AJAP1: variants seen among roughly 807,000 people sequenced by gnomAD.
The protein encoded by AJAP1 is adherens junctions associated protein 1, also known as adherens junction-associated protein 1.
AJAP1 carries 5 observed loss-of-function variants against 35.0 expected under a neutral mutation model. The ratio of observed to expected loss-of-function variants is 0.14; its 90% CI spans 0.07 to 0.30. The LOEUF (loss-of-function observed/expected upper bound fraction) is 0.30, where lower values mean the gene tolerates loss of function less well. Ranked by LOEUF, AJAP1 falls within the 10% of genes least tolerant of loss-of-function variation. The probability of loss-of-function intolerance (pLI) is 1.00; values close to 1 mark genes in which losing one functional copy is unlikely to be tolerated. For missense variants in AJAP1, 586 were observed against 571.0 expected (o/e 1.03, Z -0.27); for synonymous variants, 284 against 249.3 (o/e 1.14, Z -1.31).
intron 2 of AJAP1, among the ~76,000 whole-genome samples, chr1:4,745,322 T>G (rs1641164137): frequency 6.6e-6 from 1 of 151,350 alleles, no homozygotes; most frequent in Non-Finnish European, 1.5e-5. Flanking sequence ...GTGCACTGGG[T>G]TCCATCCTCA....
At chr1:4,766,825 CA>C (rs1641695860) in intron 2 of AJAP1, among the ~76,000 whole-genome samples, 1 of 152,050 alleles carries the variant, frequency 6.6e-6, no homozygotes, top group Non-Finnish European at 1.5e-5. Flanking sequence ...GCTTGCTGAC[CA>C]GGGAAAGTCA....
chr1:4,722,627 TC>T (rs1640548542), intron 2 of AJAP1, among the ~76,000 whole-genome samples: 1 of 152,166 alleles, frequency 6.6e-6, no homozygotes, highest in African/African-American at 2.4e-5. Context: ...AGGGCTGTGG[TC>T]CCTCCGGAGG....
At chr1:4,778,388 G>A (rs1383750448) in intron 5 of AJAP1, among the ~76,000 whole-genome samples, 2 of 152,170 alleles carry the variant, frequency 1.3e-5, no homozygotes, top group African/African-American at 4.8e-5. Context: ...TGCTAAGTGT[G>A]GCGCAGAAAA....
intron 1 of AJAP1, among the ~76,000 whole-genome samples, chr1:4,676,067 G>A (rs575261264): frequency 6.6e-6 from 1 of 152,156 alleles, no homozygotes; most frequent in South Asian, 2.1e-4. Context: ...CTTGCTACTC[G>A]TTTTGTGCAT....
intron 1 of AJAP1, among the ~76,000 whole-genome samples, chr1:4,706,149 G>C (rs866637011): frequency 1.3e-5 from 2 of 152,202 alleles, no homozygotes; most frequent in African/African-American, 4.8e-5. Flanking sequence ...CCTCGGGGAA[G>C]GGAGGTCCAC....
At chr1:4,722,289 C>T (rs1272638653) in intron 2 of AJAP1, among the ~76,000 whole-genome samples, 5 of 152,210 alleles carry the variant, frequency 3.3e-5, no homozygotes, top group Non-Finnish European at 5.9e-5. Flanking sequence ...AGCACCGAGC[C>T]GCGGGGCAGG....
chr1:4,674,963 A>G (rs1479061341), intron 1 of AJAP1, among the ~76,000 whole-genome samples: 2 of 152,206 alleles, frequency 1.3e-5, no homozygotes, highest in Non-Finnish European at 2.9e-5. Flanking sequence ...GCCATGGAGG[A>G]GTCGTCTCAG....
At chr1:4,658,451 T>C (rs1187814568) in intron 1 of AJAP1, among the ~76,000 whole-genome samples, 1 of 152,240 alleles carries the variant, frequency 6.6e-6, no homozygotes, top group African/African-American at 2.4e-5. Context: ...GCAGCCCAGC[T>C]TTAGCGGATG....
At chr1:4,717,554 T>C (rs1640422081) in intron 2 of AJAP1, among the ~76,000 whole-genome samples, 2 of 152,208 alleles carry the variant, frequency 1.3e-5, no homozygotes, top group East Asian at 1.9e-4. Context: ...AATTTTTACA[T>C]TGGAATTCAC....
At chr1:4,728,542 C>T (rs1172724562) in intron 2 of AJAP1, among the ~76,000 whole-genome samples, 4 of 152,326 alleles carry the variant, frequency 2.6e-5, no homozygotes, top group African/African-American at 9.6e-5. Context: ...CCATCACAGC[C>T]TGCTCTTGCT....
intron 1 of AJAP1, among the ~76,000 whole-genome samples, chr1:4,687,981 C>T (rs1639644993): frequency 6.6e-6 from 1 of 152,218 alleles, no homozygotes; most frequent in African/African-American, 2.4e-5. Flanking sequence ...TGGTGAAGAG[C>T]AGGGCCCACA....
chr1:4,770,006 C>T, intron 3 of AJAP1, 66 bp downstream of exon 3: 5 of 1,359,536 alleles, frequency 3.7e-6, no homozygotes, highest in Non-Finnish European at 5.2e-6. Context: ...GTGGTGAATA[C>T]AGAAAGGCCC....
rs1640028229 is a variant in AJAP1, at chr1:4,703,215, G to A, written c.30-8685G>A. On this transcript the variant is annotated intron_variant, in intron 1 of 5. Coordinates refer to ENST00000378191, the MANE Select transcript of AJAP1 (RefSeq NM_018836.4). ...GGGAATGCCGCGAAAGTGATTCACG[G>A]CTTAATGTGTTTTCATTAGAGAAAT... Among the ~76,000 whole-genome samples the A allele has an allele frequency of 2.6e-5, 4 of 152,174 alleles. No individual in the cohort carries two copies. The South Asian group carries it at 8.3e-4, about 32-fold the overall frequency.
chr1:4,702,692 T>C (rs915034155), intron 1 of AJAP1, among the ~76,000 whole-genome samples: 3 of 152,048 alleles, frequency 2.0e-5, no homozygotes, highest in African/African-American at 7.2e-5. Context: ...TGGCCCTTGG[T>C]GTGCTGGGGC....
intron 2 of AJAP1, among the ~76,000 whole-genome samples, chr1:4,721,511 C>T (rs115300842): frequency 6.6e-6 from 1 of 152,222 alleles, no homozygotes; most frequent in Admixed American, 6.5e-5. Context: ...ATTTCAGAGA[C>T]ACACCCTGTG....
chr1:4,657,838 C>A (rs1396143987), intron 1 of AJAP1, among the ~76,000 whole-genome samples: 1 of 151,838 alleles, frequency 6.6e-6, no homozygotes, highest in South Asian at 2.1e-4. Flanking sequence ...CTTTTCCCCC[C>A]AAGAGGGAGA....
chr1:4,680,833 T>C (rs1298755887), intron 1 of AJAP1, among the ~76,000 whole-genome samples: 1 of 152,204 alleles, frequency 6.6e-6, no homozygotes, highest in African/African-American at 2.4e-5. Flanking sequence ...CCAAACATCT[T>C]TCTAGTGGTG....
rs910338434 is a variant in AJAP1 at position 4,782,908 on chromosome 1, G to A, written c.*423G>A. The A allele has an allele frequency of 3.0e-5, 12 of 398,388 alleles. No homozygotes were observed. The Admixed American group carries it at 4.0e-4, about 13-fold the overall frequency. 24.7% of individuals were successfully genotyped at this position (398,388 alleles called of 1,614,324 possible). A position where few individuals can be genotyped will look rare whatever the true frequency, so the allele number is the denominator to read the frequency against. ...ACCATTATGTGCCATGTACTGACCC[G>A]AAAGGCTCGGCCGCAGAGCCGGGGC... On this transcript the variant is annotated 3_prime_UTR_variant, in exon 6 of 6. Transcript: ENST00000378191. This position sits in a 1 kb window ranked among gnomAD's most constrained non-coding sequence, Gnocchi z 5.3.
At chr1:4,690,236 A>G (rs1276441272) in intron 1 of AJAP1, among the ~76,000 whole-genome samples, 1 of 152,162 alleles carries the variant, frequency 6.6e-6, no homozygotes, top group Non-Finnish European at 1.5e-5. Flanking sequence ...CTCTGAAGTC[A>G]GTCCGCTCCT....
Sources: allele counts gnomAD v4.1 joint callset (sites outside exome capture counted in the v4.1 genomes callset), GRCh38; gene constraint gnomAD v4.1.1; non-coding constraint Gnocchi (gnomAD v3.1); transcripts MANE v1.5; gene names NCBI Gene and HGNC (gene_info 2026-07-23, HGNC 2026-07-21).